Variants in PLD5 observed in about 807,000 individuals in gnomAD.
The protein encoded by PLD5 is phospholipase D family member 5, also known as inactive phospholipase D5.
Under a neutral mutation model 61.1 loss-of-function variants are expected in PLD5, and 36 were observed. The ratio of observed to expected loss-of-function variants is 0.59; its 90% CI spans 0.45 to 0.78. The LOEUF is 0.78. Ranked by LOEUF, PLD5 falls within the 30% of genes least tolerant of loss-of-function variation. The pLI, the probability that PLD5 is intolerant of heterozygous loss-of-function variation, is 0.00. For synonymous variants in PLD5, 243 were observed against 242.8 expected (o/e 1.00, Z -0.01); for missense variants, 515 against 644.4 (o/e 0.80, Z 2.17).
chr1:242,480,062 A>C lies in PLD5; in HGVS notation c.189+44026T>G, dbSNP rs558176340. Among the ~76,000 whole-genome samples, 3 of 151,938 alleles carry C rather than the reference A, an allele frequency of 2.0e-5. No individual in the cohort carries two copies. In the East Asian group the frequency reaches 5.8e-4, roughly 29 times the overall value. On this transcript the variant is annotated intron_variant, in intron 1 of 9. Transcript: ENST00000536534. ...AAGACTCTGTCTCAGAAAAAAAAAA[A>C]ACAAAAAAAAAGGAAAAAAGAAAGC...
At chr1:242,388,420 T>A (rs2149262088) in intron 1 of PLD5, among the ~76,000 whole-genome samples, 1 of 152,258 alleles carries the variant, frequency 6.6e-6, no homozygotes, top group African/African-American at 2.4e-5. Flanking sequence ...ATTAGGTAAC[T>A]ACCTAAGGAC....
intron 4 of PLD5, among the ~76,000 whole-genome samples, chr1:242,250,480 A>G (rs1258735908): frequency 6.6e-6 from 1 of 152,078 alleles, no homozygotes; most frequent in Non-Finnish European, 1.5e-5. Flanking sequence ...AGAACTTTGG[A>G]ATGTCTCTGC....
chr1:242,301,554 C>T (rs183350341), intron 2 of PLD5, among the ~76,000 whole-genome samples: 1 of 152,224 alleles, frequency 6.6e-6, no homozygotes, highest in Non-Finnish European at 1.5e-5. Flanking sequence ...ACACCAGAGA[C>T]AACTTTAGAC....
At chr1:242,377,974 TTAAGA>T (rs1349290087) in intron 1 of PLD5, among the ~76,000 whole-genome samples, 2 of 152,184 alleles carry the variant, frequency 1.3e-5, no homozygotes, top group African/African-American at 4.8e-5. Context: ...TCAGAAAAAT[TTAAGA>T]TAAGATCACC....
chr1:242,341,287 G>A (rs1558479806), intron 2 of PLD5, among the ~76,000 whole-genome samples: 1 of 151,672 alleles, frequency 6.6e-6, no homozygotes, highest in Non-Finnish European at 1.5e-5. Flanking sequence ...AAACAGGAAA[G>A]TGACAAAATA....
intron 4 of PLD5, among the ~76,000 whole-genome samples, chr1:242,238,828 G>T (rs1377497954): frequency 5.9e-5 from 9 of 152,176 alleles, no homozygotes; most frequent in African/African-American, 1.7e-4. Context: ...GCCTAGCAGG[G>T]ACCTCAGGGA....
chr1:242,141,612 G>T (rs201911820), intron 5 of PLD5, among the ~76,000 whole-genome samples: 1 of 151,632 alleles, frequency 6.6e-6, no homozygotes, highest in African/African-American at 2.4e-5. Flanking sequence ...CGTCTGTTTT[G>T]TGAGTTTGCA....
At chr1:242,409,072 AAAAGAAAAGAAAAG>A (rs1402086844) in intron 1 of PLD5, among the ~76,000 whole-genome samples, 2 of 120,680 alleles carry the variant, frequency 1.7e-5, no homozygotes, top group South Asian at 4.7e-4. Flanking sequence ...TCTCAAAAAA[AAAAGAAAAGAAAAG>A]AAAAGAAAAG....
intron 5 of PLD5, among the ~76,000 whole-genome samples, chr1:242,170,228 G>A (rs1387576312): frequency 6.6e-6 from 1 of 152,150 alleles, no homozygotes; most frequent in South Asian, 2.1e-4. Flanking sequence ...GAAGATTCAA[G>A]AAAAAAGAAC....
At chr1:242,273,511 A>G (rs1674233478) in intron 3 of PLD5, among the ~76,000 whole-genome samples, 1 of 152,198 alleles carries the variant, frequency 6.6e-6, no homozygotes, top group Non-Finnish European at 1.5e-5. Flanking sequence ...ATTAGTACAC[A>G]CTAATACTTT....
At chr1:242,444,913 T>C (rs978263831) in intron 1 of PLD5, among the ~76,000 whole-genome samples, 1 of 151,890 alleles carries the variant, frequency 6.6e-6, no homozygotes, top group Non-Finnish European at 1.5e-5. Context: ...CAAAGTCCAA[T>C]AGATAACATA....
At chr1:242,241,519 C>T (rs569903073) in intron 4 of PLD5, among the ~76,000 whole-genome samples, 3 of 151,916 alleles carry the variant, frequency 2.0e-5, no homozygotes, top group East Asian at 1.9e-4. Context: ...TTCCTAGACT[C>T]GACAGCATGG....
At chr1:242,148,318 T>C (rs1453321603) in intron 5 of PLD5, among the ~76,000 whole-genome samples, 1 of 115,232 alleles carries the variant, frequency 8.7e-6, no homozygotes. Context: ...TGTGTTGGTC[T>C]ATTTCTGGAC....
At chr1:242,184,526 G>A (rs1282726838) in intron 5 of PLD5, among the ~76,000 whole-genome samples, 5 of 152,080 alleles carry the variant, frequency 3.3e-5, no homozygotes, top group South Asian at 4.2e-4. Flanking sequence ...CCACCGCAAC[G>A]CCTGGTTAAT....
rs141791012 is a variant in PLD5, at chr1:242,297,084, G to A, written c.327-8554C>T. Among the ~76,000 whole-genome samples, 717 of 152,248 alleles carry A rather than the reference G, an allele frequency of 4.7e-3. 7 individuals are homozygous for A. The highest frequency in any genetic ancestry group is 0.016 in the African/African-American group (673 of 41,542). On this transcript the variant is annotated intron_variant, in intron 2 of 9. Transcript: ENST00000536534. ...CCCCTGGCTGGGCATGGTGGCTCAT[G>A]CCTGTAATCTCAGCACTTTGGGAGG...
chr1:242,239,537 G>A (rs1204074977), intron 4 of PLD5, among the ~76,000 whole-genome samples: 3 of 152,126 alleles, frequency 2.0e-5, no homozygotes, highest in Non-Finnish European at 4.4e-5. Context: ...TTACTTATAT[G>A]TACTCTGATT....
At chr1:242,391,497 T>G (rs10926718) in intron 1 of PLD5, among the ~76,000 whole-genome samples, 3,178 of 152,232 alleles carry the variant, frequency 0.021, 118 homozygotes, top group East Asian at 0.11. Context: ...GAATTTCCTT[T>G]AGTTTATAGG....
intron 1 of PLD5, among the ~76,000 whole-genome samples, chr1:242,363,403 C>A (rs182047826): frequency 8.7e-5 from 13 of 148,944 alleles, no homozygotes; most frequent in Non-Finnish European, 1.9e-4. Context: ...CAGTAGCCTG[C>A]GAACAGCCAC....
chr1:242,429,453 C>CAA (rs1460690080), intron 1 of PLD5, among the ~76,000 whole-genome samples: 4 of 152,140 alleles, frequency 2.6e-5, no homozygotes, highest in Non-Finnish European at 4.4e-5. Context: ...TGCCATGTTG[C>CAA]AAAGGCTGGT....
Sources: allele counts gnomAD v4.1 joint callset (sites outside exome capture counted in the v4.1 genomes callset), GRCh38; gene constraint gnomAD v4.1.1; transcripts MANE v1.5; gene names NCBI Gene and HGNC (gene_info 2026-07-23, HGNC 2026-07-21).